UBR3: variants seen among roughly 807,000 people sequenced by gnomAD.
The protein encoded by UBR3 is ubiquitin protein ligase E3 component n-recognin 3, also known as E3 ubiquitin-protein ligase UBR3.
UBR3 carries 85 observed loss-of-function variants against 243.2 expected under a neutral mutation model. The observed-to-expected ratio is 0.35, with a 90% CI of 0.29 to 0.42. The LOEUF (loss-of-function observed/expected upper bound fraction) is 0.42, where lower values mean the gene tolerates loss of function less well. UBR3 is among the 10% of genes least tolerant of loss of function. The pLI, the probability that UBR3 is intolerant of heterozygous loss-of-function variation, is 1.00. For missense variants in UBR3, 1,686 were observed against 2,300.8 expected (o/e 0.73, Z 5.47); for synonymous variants, 748 against 799.8 (o/e 0.94, Z 1.09).
At chr2:169,894,653 A>C (rs1184594660) in intron 6 of UBR3, among the ~76,000 whole-genome samples, 1 of 152,218 alleles carries the variant, frequency 6.6e-6, no homozygotes, top group South Asian at 2.1e-4. Context: ...GAGATGTGGT[A>C]TGAACACATT....
chr2:169,946,299 T>A lies in UBR3; in HGVS notation c.2817T>A (p.Asp939Glu). 2 of 1,483,122 alleles carry A rather than the reference T, an allele frequency of 1.3e-6. No homozygotes were observed. The highest frequency in any genetic ancestry group is 1.8e-6 in the Non-Finnish European group (2 of 1,114,788). The allele number at this position is 1,483,122 out of a possible 1,614,324, so 91.9% of individuals were successfully genotyped here. The change falls in exon 21 of 39, where the codon GAT becomes GAA. Residue 939 changes from aspartate (D) to glutamate (E), a missense_variant. Around this residue, in one of 8 missense-constraint regions of UBR3, gnomAD observed 300 missense variants for 314.4 expected, o/e 0.95. Transcript: ENST00000272793. Reference protein sequence around the residue: ...LFTLLYKILMDHQNLSEHVLC... With the variant: ...LFTLLYKILMEHQNLSEHVLC... ...TTCCCTTTTTAAAGATTTTGATGGA[T>A]CATCAAAATCTGTCAGAACATGTAC...
intron 32 of UBR3, 51 bp downstream of exon 32, chr2:170,041,036 A>G (rs1450478672): frequency 6.6e-7 from 1 of 1,520,338 alleles, no homozygotes; most frequent in African/African-American, 1.4e-5. Flanking sequence ...TATTTTGAAT[A>G]TTCTAGAGAT....
intron 32 of UBR3, among the ~76,000 whole-genome samples, chr2:170,048,929 A>T (rs2091153852): frequency 6.6e-6 from 1 of 152,208 alleles, no homozygotes; most frequent in Admixed American, 6.5e-5. Flanking sequence ...TCAGATTTTC[A>T]TAATTTTTAT....
chr2:169,872,226 C>T lies in UBR3; in HGVS notation c.546-10C>T, dbSNP rs767440568. The T allele has an allele frequency of 1.8e-5, 27 of 1,486,984 alleles. No homozygotes were observed. The highest frequency in any genetic ancestry group is 1.0e-4 in the Admixed American group (4 of 39,714). The allele number at this position is 1,486,984 out of a possible 1,614,324, so 92.1% of individuals were successfully genotyped here. A position where few individuals can be genotyped will look rare whatever the true frequency, so the allele number is the denominator to read the frequency against. ...CATTACTGTTAATTTTTTTCTTTTT[C>T]ATATTACAGGTTTTGCAAAAGGCAT... On this transcript the variant is annotated splice_polypyrimidine_tract_variant and intron_variant, in intron 1 of 38. Coordinates refer to ENST00000272793, the MANE Select transcript of UBR3 (RefSeq NM_172070.4).
chr2:169,833,556 C>T (rs1322684827), intron 1 of UBR3, among the ~76,000 whole-genome samples: 1 of 152,140 alleles, frequency 6.6e-6, no homozygotes, highest in Non-Finnish European at 1.5e-5. Context: ...TTTAGTTACT[C>T]ATGAGGTGGC....
intron 14 of UBR3, 137 bp downstream of exon 14, chr2:169,925,884 C>T: frequency 1.1e-6 from 1 of 881,904 alleles, no homozygotes; most frequent in Non-Finnish European, 1.6e-6. Flanking sequence ...CTTACATTTC[C>T]CAGGAGAAGA....
intron 32 of UBR3, among the ~76,000 whole-genome samples, chr2:170,044,966 ATTCT>A (rs1231432650): frequency 4.6e-5 from 7 of 152,334 alleles, no homozygotes; most frequent in Non-Finnish European, 7.4e-5. Flanking sequence ...TCAGGCTAAA[ATTCT>A]TTCTTATTTT....
intron 1 of UBR3, among the ~76,000 whole-genome samples, chr2:169,844,081 A>G (rs1249976474): frequency 6.9e-6 from 1 of 144,714 alleles, no homozygotes; most frequent in African/African-American, 2.6e-5. Context: ...ACCTCGGCTC[A>G]TTGCAACCTC....
chr2:169,856,205 C>A (rs1238809790), intron 1 of UBR3, among the ~76,000 whole-genome samples: 2 of 151,404 alleles, frequency 1.3e-5, no homozygotes, highest in Admixed American at 1.3e-4. Context: ...GGGTCGCGGC[C>A]GGGCAGAGGC....
chr2:169,848,137 T>A (rs1314195813), intron 1 of UBR3, among the ~76,000 whole-genome samples: 3 of 152,214 alleles, frequency 2.0e-5, no homozygotes, highest in Non-Finnish European at 4.4e-5. Flanking sequence ...GCTTCCCATC[T>A]ATCACAGATT....
At position 169,994,344 on chromosome 2, in the gene UBR3, A is replaced by G. The variant is rs1052216162; in HGVS notation, c.3806A>G (p.Asn1269Ser). The change falls in exon 26 of 39, where the codon AAT becomes AGT. Residue 1269 changes from asparagine to serine, a missense_variant. Coordinates refer to ENST00000272793, the MANE Select transcript of UBR3 (RefSeq NM_172070.4). ...ASSVLGQCRD[N>S]VEPKKLPISE... Reference sequence around the variant, plus strand: ...GTAGTTTTGGGGCAGTGCCGTGACAATGTTGAGCCAAAAAAGTTGCCGATC... The same window carrying G: ...GTAGTTTTGGGGCAGTGCCGTGACAGTGTTGAGCCAAAAAAGTTGCCGATC... 2 of 1,614,044 alleles carry G rather than the reference A, an allele frequency of 1.2e-6. No homozygotes were observed. The highest frequency in any genetic ancestry group is 1.7e-6 in the Non-Finnish European group (2 of 1,180,028).
intron 34 of UBR3, 60 bp from the exon 35 acceptor site, chr2:170,061,258 T>C (rs1301673615): frequency 5.1e-6 from 8 of 1,584,122 alleles, no homozygotes; most frequent in Non-Finnish European, 6.8e-6. Context: ...ATTATGAATG[T>C]AATTTTTAAA....
intron 5 of UBR3, among the ~76,000 whole-genome samples, chr2:169,890,220 C>T (rs755197793): frequency 7.2e-5 from 11 of 152,016 alleles, no homozygotes; most frequent in Non-Finnish European, 1.5e-4. Flanking sequence ...AGGGCTTCCT[C>T]CCCAAGAGGT....
At chr2:170,019,042 C>T (rs1025499938) in intron 30 of UBR3, among the ~76,000 whole-genome samples, 2 of 152,122 alleles carry the variant, frequency 1.3e-5, no homozygotes, top group Admixed American at 6.6e-5. Flanking sequence ...TGTAGGTAAA[C>T]GTCTCTTCCT....
At chr2:170,043,451 A>G (rs1257620518) in intron 32 of UBR3, among the ~76,000 whole-genome samples, 1 of 152,218 alleles carries the variant, frequency 6.6e-6, no homozygotes, top group Non-Finnish European at 1.5e-5. Flanking sequence ...TTTAAAAACT[A>G]TATCATAAAG....
At chr2:169,880,811 G>A (rs2083792173) in intron 5 of UBR3, among the ~76,000 whole-genome samples, 2 of 151,976 alleles carry the variant, frequency 1.3e-5, no homozygotes, top group Admixed American at 1.3e-4. Flanking sequence ...CTCCCTTTGT[G>A]TCGATATTTT....
chr2:169,838,366 G>A (rs1034569607), intron 1 of UBR3, among the ~76,000 whole-genome samples: 1 of 150,590 alleles, frequency 6.6e-6, no homozygotes, highest in Non-Finnish European at 1.5e-5. Context: ...CTGGAAGCTG[G>A]GAAGTCCAAG....
At chr2:169,872,844 A>G (rs2083476751) in intron 2 of UBR3, among the ~76,000 whole-genome samples, 1 of 152,064 alleles carries the variant, frequency 6.6e-6, no homozygotes, top group Non-Finnish European at 1.5e-5. Flanking sequence ...GCTGACTTCC[A>G]GATTACTGGT....
intron 5 of UBR3, among the ~76,000 whole-genome samples, chr2:169,879,593 G>A (rs2083745282): frequency 6.6e-6 from 1 of 152,146 alleles, no homozygotes; most frequent in South Asian, 2.1e-4. Flanking sequence ...TTGGGCAAGT[G>A]TCTTAACTTC....
Sources: allele counts gnomAD v4.1 joint callset (sites outside exome capture counted in the v4.1 genomes callset), GRCh38; gene constraint gnomAD v4.1.1; regional missense constraint gnomAD v4.1.1; transcripts MANE v1.5; gene names NCBI Gene and HGNC (gene_info 2026-07-23, HGNC 2026-07-21).